NKAIN2: variants seen among roughly 807,000 people sequenced by gnomAD.
NKAIN2 encodes the protein sodium/potassium transporting ATPase interacting 2.
In NKAIN2, 14 loss-of-function variants were observed where a neutral mutation model predicts 32.6. The ratio of observed to expected loss-of-function variants is 0.43; its 90% CI spans 0.28 to 0.67. The LOEUF is 0.67. Ranked by LOEUF, NKAIN2 falls within the 30% of genes least tolerant of loss-of-function variation. The pLI is 0.17. For synonymous variants in NKAIN2, 80 were observed against 87.2 expected, an observed-to-expected ratio of 0.92 and a Z score of 0.46; for missense variants, 198 against 258.3, an observed-to-expected ratio of 0.77 and a Z score of 1.60.
At chr6:124,763,266 A>C (rs752704244) in intron 4 of NKAIN2, among the ~76,000 whole-genome samples, 1 of 152,212 alleles carries the variant, frequency 6.6e-6, no homozygotes, top group Non-Finnish European at 1.5e-5. Flanking sequence ...GCACTGCTAT[A>C]AAGAAATATG....
intron 1 of NKAIN2, among the ~76,000 whole-genome samples, chr6:123,989,471 AT>A (rs1282267583): frequency 6.6e-6 from 1 of 152,204 alleles, no homozygotes; most frequent in Admixed American, 6.5e-5. Flanking sequence ...AATAAAAACA[AT>A]AAACAGAACT....
At chr6:124,312,040 A>G (rs1796740427) in intron 2 of NKAIN2, among the ~76,000 whole-genome samples, 1 of 152,164 alleles carries the variant, frequency 6.6e-6, no homozygotes, top group Non-Finnish European at 1.5e-5. Context: ...AAAGAGGTAT[A>G]TAAATAGAGA....
chr6:123,891,884 T>C (rs891739921), intron 1 of NKAIN2, among the ~76,000 whole-genome samples: 1 of 152,204 alleles, frequency 6.6e-6, no homozygotes, highest in Admixed American at 6.5e-5. Context: ...TTATTGGTTG[T>C]CAAGCACTTT....
intron 5 of NKAIN2, among the ~76,000 whole-genome samples, chr6:124,804,021 T>C (rs934663913): frequency 7.2e-5 from 11 of 152,220 alleles, no homozygotes; most frequent in African/African-American, 2.4e-4. Flanking sequence ...GAGGAAGAAA[T>C]TAAGGCTCAG....
intron 1 of NKAIN2, among the ~76,000 whole-genome samples, chr6:124,153,995 T>G (rs910112348): frequency 4.6e-5 from 7 of 151,620 alleles, no homozygotes; most frequent in African/African-American, 1.7e-4. Context: ...TCTGATATTC[T>G]AAGAGTCTTT....
intron 3 of NKAIN2, among the ~76,000 whole-genome samples, chr6:124,522,577 G>A (rs1260784753): frequency 2.0e-5 from 3 of 152,148 alleles, no homozygotes; most frequent in Admixed American, 1.3e-4. Flanking sequence ...ACCCACTTAC[G>A]TGACAGAAAA....
intron 1 of NKAIN2, among the ~76,000 whole-genome samples, chr6:124,260,720 A>T (rs1018856366): frequency 2.6e-5 from 4 of 152,270 alleles, no homozygotes; most frequent in South Asian, 2.1e-4. Flanking sequence ...TTTTAAGAGG[A>T]TTACTCTGGC....
At chr6:124,032,754 A>G (rs1157579694) in intron 1 of NKAIN2, among the ~76,000 whole-genome samples, 1 of 152,130 alleles carries the variant, frequency 6.6e-6, no homozygotes, top group Non-Finnish European at 1.5e-5. Context: ...AAAAATTAAA[A>G]ATAGAAAACT....
chr6:123,965,109 C>G (rs1279044763), intron 1 of NKAIN2, among the ~76,000 whole-genome samples: 1 of 151,930 alleles, frequency 6.6e-6, no homozygotes, highest in Non-Finnish European at 1.5e-5. Context: ...CATGAGTGCC[C>G]TTTTTTTGAG....
Position 123,849,962 on chromosome 6 carries a change from GTTTGTTTGTT to G in NKAIN2, c.54+45712_54+45721del, listed in dbSNP as rs1562217918. Reference sequence around the variant, plus strand: ...TAACTCAGGCTGGTTTTTTTTTTTTGTTTGTTTGTTTTTTTTTTAACTTTCTGTGGAGATG... The same window carrying G: ...TAACTCAGGCTGGTTTTTTTTTTTTGTTTTTTTTAACTTTCTGTGGAGATG... On this transcript the variant is annotated intron_variant, in intron 1 of 6. Coordinates refer to ENST00000368417, the MANE Select transcript of NKAIN2 (RefSeq NM_001040214.3). 2.2e-4 allele frequency among the ~76,000 whole-genome samples: 5 copies of G among 22,338 alleles called. No homozygotes were observed. In the East Asian group the frequency reaches 0.088, roughly 394 times the overall value. 14.7% of individuals were successfully genotyped at this position (22,338 alleles called of 152,430 possible).
chr6:124,514,095 A>G (rs1481352926), intron 3 of NKAIN2, among the ~76,000 whole-genome samples: 2 of 152,178 alleles, frequency 1.3e-5, no homozygotes, highest in Non-Finnish European at 2.9e-5. Flanking sequence ...CCCTCTAGCA[A>G]TCAGAAACAG....
intron 4 of NKAIN2, among the ~76,000 whole-genome samples, chr6:124,669,177 G>C (rs1772968831): frequency 6.6e-6 from 1 of 152,118 alleles, no homozygotes; most frequent in Admixed American, 6.5e-5. Context: ...AACTTCATTA[G>C]AGTCTGGATT....
intron 1 of NKAIN2, among the ~76,000 whole-genome samples, chr6:124,133,520 C>A (rs1582707969): frequency 6.6e-6 from 1 of 152,162 alleles, no homozygotes; most frequent in African/African-American, 2.4e-5. Context: ...CTGCCTTAGC[C>A]ACAACTAGTG....
chr6:123,850,263 C>G (rs1204409949), intron 1 of NKAIN2, among the ~76,000 whole-genome samples: 1 of 150,624 alleles, frequency 6.6e-6, no homozygotes, highest in African/African-American at 2.4e-5. Context: ...ACACAGAGAG[C>G]TGACCTAAGA....
chr6:124,140,338 C>T (rs549238117), intron 1 of NKAIN2, among the ~76,000 whole-genome samples: 2 of 152,208 alleles, frequency 1.3e-5, no homozygotes, highest in South Asian at 2.1e-4. Flanking sequence ...TTATAATACG[C>T]ATCATGTTTA....
At chr6:124,792,155 T>C (rs1779774356) in intron 5 of NKAIN2, among the ~76,000 whole-genome samples, 1 of 152,150 alleles carries the variant, frequency 6.6e-6, no homozygotes, top group African/African-American at 2.4e-5. Context: ...CCTATATAGT[T>C]ACATTTACTC....
intron 1 of NKAIN2, among the ~76,000 whole-genome samples, chr6:123,913,961 A>G (rs952176509): frequency 1.3e-5 from 2 of 152,290 alleles, no homozygotes; most frequent in South Asian, 4.1e-4. Flanking sequence ...GCCTGGTGCC[A>G]TTCTATGTGC....
chr6:124,462,446 A>G (rs552191495), intron 3 of NKAIN2, among the ~76,000 whole-genome samples: 77 of 152,000 alleles, frequency 5.1e-4, no homozygotes, highest in African/African-American at 1.7e-3. Flanking sequence ...CCTTTTTTCA[A>G]ATACAAACCT....
chr6:124,352,818 A>G (rs1330588385), intron 2 of NKAIN2, among the ~76,000 whole-genome samples: 2 of 152,186 alleles, frequency 1.3e-5, no homozygotes, highest in Non-Finnish European at 2.9e-5. Flanking sequence ...CTCTCTTGCT[A>G]CAGCCTGCTT....
Sources: gnomAD v4.1 joint callset for allele counts (sites outside exome capture counted in the v4.1 genomes callset) on GRCh38, gnomAD v4.1.1 for gene constraint, MANE v1.5 for transcripts, NCBI Gene and HGNC (gene_info 2026-07-23, HGNC 2026-07-21) for gene names.